Variants in FNDC3A observed in about 807,000 individuals in gnomAD.
FNDC3A encodes fibronectin type-III domain-containing protein 3A.
Under a neutral mutation model 148.9 loss-of-function variants are expected in FNDC3A, and 32 were observed. The ratio of observed to expected loss-of-function variants is 0.21; its 90% CI spans 0.16 to 0.29. The LOEUF (loss-of-function observed/expected upper bound fraction) is 0.29, where lower values mean the gene tolerates loss of function less well. FNDC3A is among the 10% of genes least tolerant of loss of function. The pLI is 1.00. For missense variants in FNDC3A, 1,191 were observed against 1,452.8 expected, an observed-to-expected ratio of 0.82 and a Z score of 2.93; for synonymous variants, 472 against 473.6, an observed-to-expected ratio of 1.00 and a Z score of 0.04.
intron 3 of FNDC3A, among the ~76,000 whole-genome samples, chr13:49,083,263 C>T (rs1043468082): frequency 3.3e-5 from 5 of 152,202 alleles, no homozygotes; most frequent in African/African-American, 1.2e-4. Flanking sequence ...TCCTCAAACA[C>T]ACAAAGGGAC....
intron 3 of FNDC3A, among the ~76,000 whole-genome samples, chr13:49,081,356 A>G (rs1021583139): frequency 1.3e-5 from 2 of 152,228 alleles, no homozygotes; most frequent in Non-Finnish European, 2.9e-5. Context: ...TTCAAATATT[A>G]TGTTTTAGAC....
chr13:49,137,034 C>G (rs567023943), intron 6 of FNDC3A, among the ~76,000 whole-genome samples: 1 of 152,132 alleles, frequency 6.6e-6, no homozygotes, highest in East Asian at 1.9e-4. Flanking sequence ...GCTGTTTTGC[C>G]CATGCTGGTC....
At chr13:49,037,703 A>C (rs892617026) in intron 2 of FNDC3A, among the ~76,000 whole-genome samples, 1 of 152,198 alleles carries the variant, frequency 6.6e-6, no homozygotes, top group Non-Finnish European at 1.5e-5. Context: ...CTCACAGTAC[A>C]TGCAACAGAG....
At position 49,131,398 on chromosome 13, in the gene FNDC3A, C is replaced by G. The variant is rs548270596; in HGVS notation, c.490+24C>G. The G allele has an allele frequency of 6.0e-5, 90 of 1,488,844 alleles. 1 individual carries two copies. In the South Asian group the frequency reaches 9.6e-4, roughly 16 times the overall value. The allele number at this position is 1,488,844 out of a possible 1,614,324, so 92.2% of individuals were successfully genotyped here. ...AGGTAAGACATCTAAAAGTATTCCA[C>G]TGTTATTGAGTTGGATATTCTTCGC... On this transcript the variant is annotated intron_variant, in intron 5 of 25. Coordinates refer to ENST00000492622, the MANE Select transcript of FNDC3A (RefSeq NM_001079673.2).
chr13:49,114,182 T>C (rs989069264), intron 3 of FNDC3A, among the ~76,000 whole-genome samples: 1 of 152,206 alleles, frequency 6.6e-6, no homozygotes, highest in African/African-American at 2.4e-5. Context: ...CTTTTCACTC[T>C]TGCTTTTTTA....
At chr13:49,011,558 G>A (rs1952346747) in intron 2 of FNDC3A, among the ~76,000 whole-genome samples, 1 of 152,074 alleles carries the variant, frequency 6.6e-6, no homozygotes, top group African/African-American at 2.4e-5. Context: ...TTGATGGACA[G>A]TCTTTAATTT....
chr13:49,088,691 TC>T (rs1397422191), intron 3 of FNDC3A, among the ~76,000 whole-genome samples: 1 of 152,288 alleles, frequency 6.6e-6, no homozygotes, highest in South Asian at 2.1e-4. Flanking sequence ...CTGTTTTTTT[TC>T]CAACCGCACT....
At chr13:49,053,595 T>C (rs1403628656) in intron 2 of FNDC3A, among the ~76,000 whole-genome samples, 1 of 152,170 alleles carries the variant, frequency 6.6e-6, no homozygotes, top group Non-Finnish European at 1.5e-5. Context: ...GGGTGGCTTA[T>C]AGGTCATAGG....
intron 11 of FNDC3A, among the ~76,000 whole-genome samples, chr13:49,172,350 G>A (rs12100184): frequency 0.019 from 2,848 of 151,924 alleles, 92 homozygotes; most frequent in African/African-American, 0.064. Flanking sequence ...TTTCACATCA[G>A]CCTTAAAGAC....
intron 1 of FNDC3A, among the ~76,000 whole-genome samples, chr13:48,995,219 C>G (rs1566179612): frequency 6.6e-6 from 1 of 151,932 alleles, no homozygotes; most frequent in Non-Finnish European, 1.5e-5. Flanking sequence ...GAGTGAAAGG[C>G]CTTTTTATTT....
intron 1 of FNDC3A, among the ~76,000 whole-genome samples, chr13:48,996,268 C>T (rs1952022910): frequency 6.6e-6 from 1 of 152,070 alleles, no homozygotes. Context: ...ATATTTTTAC[C>T]TAACATTTTG....
intron 2 of FNDC3A, among the ~76,000 whole-genome samples, chr13:49,031,755 G>A (rs1007604181): frequency 5.3e-5 from 8 of 152,142 alleles, no homozygotes; most frequent in Admixed American, 4.6e-4. Context: ...AAAAGCACAA[G>A]TAGGAGAAGA....
chr13:48,990,500 C>A (rs1225249102), intron 1 of FNDC3A, among the ~76,000 whole-genome samples: 1 of 146,878 alleles, frequency 6.8e-6, no homozygotes, highest in African/African-American at 2.5e-5. Context: ...GCCTGTAATC[C>A]CAGCACTTTC....
chr13:49,178,414 A>G (rs1885140843), intron 13 of FNDC3A, among the ~76,000 whole-genome samples, 154 bp from the exon 14 acceptor site: 1 of 152,242 alleles, frequency 6.6e-6, no homozygotes, highest in African/African-American at 2.4e-5. Context: ...CACTGAAGAC[A>G]GAAGCATCGA....
intron 19 of FNDC3A, among the ~76,000 whole-genome samples, chr13:49,193,701 C>T (rs568833065): frequency 2.6e-5 from 4 of 152,302 alleles, no homozygotes; most frequent in Non-Finnish European, 5.9e-5. Context: ...GGGTGGGTCA[C>T]TTGAGGTCAG....
chr13:49,052,027 A>G (rs1033882839), intron 2 of FNDC3A, among the ~76,000 whole-genome samples: 16 of 151,736 alleles, frequency 1.1e-4, no homozygotes, highest in African/African-American at 3.9e-4. Context: ...AGAAGTTTTT[A>G]TTGTTTTTTA....
At position 49,111,037 on chromosome 13, in the gene FNDC3A, A is replaced by G. The variant is rs546099267; in HGVS notation, c.176-3618A>G. On this transcript the variant is annotated intron_variant, in intron 3 of 25. Coordinates refer to ENST00000492622, the MANE Select transcript of FNDC3A (RefSeq NM_001079673.2). The stretch of plus-strand genomic sequence containing the variant: ...CACATAGATTATAAAGGAGCTGCTA[A>G]GTGTATGCACAGTTGTTGTCAGGTA... 7.9e-5 allele frequency among the ~76,000 whole-genome samples: 12 copies of G among 152,322 alleles called. No individual in the cohort carries two copies. The East Asian group carries it at 2.1e-3, about 27-fold the overall frequency.
intron 4 of FNDC3A, among the ~76,000 whole-genome samples, chr13:49,116,781 G>A (rs962846198): frequency 1.7e-4 from 9 of 52,656 alleles, no homozygotes; most frequent in Middle Eastern, 8.5e-3. Flanking sequence ...GTGAGACTCC[G>A]TCTCAAAAAA....
In FNDC3A at chr13:49,138,195, T is replaced by C. The variant is rs534964905; in HGVS notation, c.761-552T>C. ...ATGTCTTAACTGTTCATGACTTATA[T>C]ATTAACAACATTTACATAAATGTTC... On this transcript the variant is annotated intron_variant, in intron 6 of 25. Coordinates refer to ENST00000492622, the MANE Select transcript of FNDC3A (RefSeq NM_001079673.2). 5.3e-5 allele frequency among the ~76,000 whole-genome samples: 8 copies of C among 152,302 alleles called. No individual in the cohort carries two copies. The East Asian group carries it at 7.7e-4, about 15-fold the overall frequency.
Sources: allele counts gnomAD v4.1 joint callset (sites outside exome capture counted in the v4.1 genomes callset), GRCh38; gene constraint gnomAD v4.1.1; transcripts MANE v1.5; gene names NCBI Gene and HGNC (gene_info 2026-07-23, HGNC 2026-07-21).